ARHGAP12: variants seen among roughly 807,000 people sequenced by gnomAD.
ARHGAP12 encodes rho GTPase-activating protein 12.
Under a neutral mutation model 108.6 loss-of-function variants are expected in ARHGAP12, and 64 were observed. The observed-to-expected ratio is 0.59, with a 90% CI of 0.48 to 0.73. ARHGAP12 has a LOEUF of 0.73. ARHGAP12 is among the 30% of genes least tolerant of loss of function. The pLI is 0.00. For missense variants in ARHGAP12, 940 were observed against 1,005.9 expected (o/e 0.93, Z 0.89); for synonymous variants, 312 against 337.2 (o/e 0.93, Z 0.82).
chr10:31,850,813 C>T (rs967410493), intron 6 of ARHGAP12, among the ~76,000 whole-genome samples: 6 of 152,068 alleles, frequency 3.9e-5, no homozygotes, highest in East Asian at 1.9e-4. Context: ...GAGTGCTTGG[C>T]ACAACTTCAA....
intron 11 of ARHGAP12, among the ~76,000 whole-genome samples, chr10:31,825,974 T>C (rs1316606717): frequency 6.6e-6 from 1 of 152,152 alleles, no homozygotes; most frequent in Non-Finnish European, 1.5e-5. Flanking sequence ...ATATCTGAAA[T>C]AGCAGAGTCA....
intron 3 of ARHGAP12, among the ~76,000 whole-genome samples, chr10:31,905,574 T>C (rs1839101340): frequency 6.6e-6 from 1 of 152,000 alleles, no homozygotes; most frequent in South Asian, 2.1e-4. Flanking sequence ...TAAAGGAAGA[T>C]AAAAGATGCT....
rs1839240809 is a variant in ARHGAP12, at chr10:31,908,770, T to C, written c.86A>G (p.Asp29Gly). Residue 29 changes from aspartate (D) to glycine (G), a missense_variant, in exon 3 of 20, where the codon GAC becomes GGC. Asp to Gly is a moderately conservative substitution (Grantham distance 94). Coordinates refer to ENST00000344936, the MANE Select transcript of ARHGAP12 (RefSeq NM_018287.7). ...VEYDYEYEAK[D>G]RKIVIKQGER... ...CCCTTGTTTTATCACAATCTTTCTG[T>C]CCTTTGCTTCATATTCATAATCATA... 5 of 1,613,046 alleles carry C rather than the reference T, an allele frequency of 3.1e-6. No individual in the cohort carries two copies. Among genetic ancestry groups the C allele is most frequent in the Admixed American group, 1.7e-5 (1 of 60,010 alleles).
chr10:31,884,764 A>T (rs1592334531), intron 3 of ARHGAP12, among the ~76,000 whole-genome samples: 1 of 152,262 alleles, frequency 6.6e-6, no homozygotes, highest in East Asian at 1.9e-4. Flanking sequence ...CAAAACAAAA[A>T]CTTTAATATC....
Position 31,805,598 on chromosome 10 carries a change from C to T in ARHGAP12, c.*2060G>A, listed in dbSNP as rs1438594548. On this transcript the variant is annotated 3_prime_UTR_variant, in exon 20 of 20. Transcript: ENST00000344936. ...CAAGACATTAATCTCACTGTACATA[C>T]AATATTACAATAAACTGATTAGCTG... The T allele has an allele frequency of 3.3e-5, 5 of 150,550 alleles. No homozygotes were observed. The highest frequency in any genetic ancestry group is 6.6e-5 in the Admixed American group (1 of 15,132). 9.3% of individuals were successfully genotyped at this position (150,550 alleles called of 1,614,324 possible). A position where few individuals can be genotyped will look rare whatever the true frequency, so the allele number is the denominator to read the frequency against.
At chr10:31,878,205 C>CAG (rs141349076) in intron 3 of ARHGAP12, among the ~76,000 whole-genome samples, 69,891 of 151,804 alleles carry the variant, frequency 0.46, 16,344 homozygotes, top group Middle Eastern at 0.51. Flanking sequence ...AGTTGGAAAA[C>CAG]AGAATAAGTT....
intron 3 of ARHGAP12, among the ~76,000 whole-genome samples, chr10:31,901,534 C>CAAA (rs61402251): frequency 1.1e-4 from 7 of 64,258 alleles, no homozygotes; most frequent in Admixed American, 2.0e-4. Context: ...AACCTGGTCT[C>CAAA]AAAAAAAAAA....
intron 4 of ARHGAP12, among the ~76,000 whole-genome samples, chr10:31,855,956 G>C (rs1836871199): frequency 1.3e-5 from 2 of 152,044 alleles, no homozygotes; most frequent in South Asian, 2.1e-4. Flanking sequence ...TTAAAGTTAA[G>C]ATTATTTTTG....
chr10:31,814,605 C>T (rs1835135476), intron 13 of ARHGAP12, among the ~76,000 whole-genome samples: 1 of 152,070 alleles, frequency 6.6e-6, no homozygotes, highest in African/African-American at 2.4e-5. Context: ...GGTTAGTTTA[C>T]ACTGATGATG....
intron 6 of ARHGAP12, among the ~76,000 whole-genome samples, chr10:31,850,772 C>A (rs1038955031): frequency 6.6e-6 from 1 of 152,120 alleles, no homozygotes; most frequent in Admixed American, 6.5e-5. Flanking sequence ...TAGAGTATCA[C>A]AACTGCTAAG....
intron 7 of ARHGAP12, 30 bp from the exon 8 acceptor site, chr10:31,839,741 C>T (rs749352207): frequency 1.6e-5 from 25 of 1,534,032 alleles, no homozygotes; most frequent in South Asian, 3.5e-5. Context: ...AAAAAAGTTA[C>T]TCTATTTTAT....
intron 7 of ARHGAP12, among the ~76,000 whole-genome samples, chr10:31,842,206 G>A (rs1236583333): frequency 6.6e-6 from 1 of 151,986 alleles, no homozygotes; most frequent in Non-Finnish European, 1.5e-5. Flanking sequence ...ATGAAGAGGC[G>A]GTAGAGTTGG....
At chr10:31,884,271 A>G (rs1838108681) in intron 3 of ARHGAP12, among the ~76,000 whole-genome samples, 1 of 151,946 alleles carries the variant, frequency 6.6e-6, no homozygotes, top group Non-Finnish European at 1.5e-5. Flanking sequence ...TTTAAAAATA[A>G]GCCTGTTACA....
intron 3 of ARHGAP12, among the ~76,000 whole-genome samples, chr10:31,878,557 G>C (rs1564406738): frequency 6.6e-6 from 1 of 152,196 alleles, no homozygotes; most frequent in Non-Finnish European, 1.5e-5. Flanking sequence ...GAGGCAAAAA[G>C]TGTAAAAAAT....
intron 11 of ARHGAP12, among the ~76,000 whole-genome samples, chr10:31,822,475 A>G (rs1835450852): frequency 1.3e-5 from 2 of 152,236 alleles, no homozygotes; most frequent in Admixed American, 1.3e-4. Context: ...ACAATTCTAT[A>G]TGCAGACATA....
At chr10:31,893,832 A>G (rs9663468) in intron 3 of ARHGAP12, among the ~76,000 whole-genome samples, 70,174 of 152,060 alleles carry the variant, frequency 0.46, 16,478 homozygotes, top group Middle Eastern at 0.51. Flanking sequence ...GACGAACATC[A>G]ATGGAAAAAT....
At chr10:31,859,887 C>A (rs987778749) in intron 4 of ARHGAP12, among the ~76,000 whole-genome samples, 2 of 151,756 alleles carry the variant, frequency 1.3e-5, no homozygotes, top group Admixed American at 1.3e-4. Context: ...CTCCACCTCC[C>A]GGGTTCAAGC....
intron 19 of ARHGAP12, among the ~76,000 whole-genome samples, chr10:31,808,219 T>TAA (rs397700820): frequency 6.8e-6 from 1 of 146,438 alleles, no homozygotes; most frequent in African/African-American, 2.5e-5. Context: ...GTAATTTCTT[T>TAA]AAAAAAAAAA....
rs1485673938 is a variant in ARHGAP12 at position 31,908,497 on chromosome 10, G to A, written c.359C>T (p.Ser120Leu). Residue 120 changes from serine to leucine, a missense_variant, in exon 3 of 20, where the codon TCG becomes TTG. Ser to Leu is a moderately radical substitution (Grantham distance 145). Coordinates refer to ENST00000344936, the MANE Select transcript of ARHGAP12 (RefSeq NM_018287.7). ...AAGACCTGTTCCTTGAACAGATGAC[G>A]ATGGCTTTCCGAAACTTGAAAGCTC... ...LPELSSFGKPSSSVQGTGLIR... is the reference protein window; with the variant it reads ...LPELSSFGKPLSSVQGTGLIR... The A allele has an allele frequency of 2.5e-6, 4 of 1,614,178 alleles. No homozygotes were observed. Among genetic ancestry groups the A allele is most frequent in the East Asian group, 2.2e-5 (1 of 44,892 alleles).
Sources: gnomAD v4.1 joint callset for allele counts (sites outside exome capture counted in the v4.1 genomes callset) on GRCh38, gnomAD v4.1.1 for gene constraint, MANE v1.5 for transcripts, NCBI Gene and HGNC (gene_info 2026-07-23, HGNC 2026-07-21) for gene names.